Variants in SLC25A24 observed in about 807,000 individuals in gnomAD.
The protein encoded by SLC25A24 is mitochondrial adenyl nucleotide antiporter SLC25A24.
SLC25A24 carries 49 observed loss-of-function variants against 60.7 expected under a neutral mutation model. The observed-to-expected ratio is 0.81, with a 90% confidence interval of 0.64 to 1.02. SLC25A24 has a LOEUF of 1.02. Among genes scored for constraint, SLC25A24 ranks in the 50% least tolerant of loss-of-function variants. The pLI is 0.00. For missense variants in SLC25A24, 564 were observed against 586.3 expected (o/e 0.96, Z 0.39); for synonymous variants, 202 against 200.6 (o/e 1.01, Z -0.06).
chr1:108,200,141 T>G lies in SLC25A24; in HGVS notation c.-3A>C. ...AAGTCCCGCAGCCAGCGCAACATGG[T>G]CCCAGAGGCGCAGGCGGCCTGGCCG... On this transcript the variant is annotated 5_prime_UTR_variant, in exon 1 of 10. Coordinates refer to ENST00000565488, the MANE Select transcript of SLC25A24 (RefSeq NM_013386.5). 6.5e-7 allele frequency: 1 copy of G among 1,546,302 alleles called. No homozygotes were observed. The highest frequency in any genetic ancestry group is 8.7e-7 in the Non-Finnish European group (1 of 1,147,706).
chr1:108,157,386 T>A, intron 5 of SLC25A24, 76 bp downstream of exon 5: 1 of 1,465,422 alleles, frequency 6.8e-7, no homozygotes, highest in Non-Finnish European at 9.2e-7. Flanking sequence ...TTTTAAAACT[T>A]CTTTTTCAAA....
At position 108,143,710 on chromosome 1, in the gene SLC25A24, C is replaced by A; in HGVS notation, c.931G>T (p.Val311Phe). Residue 311 changes from valine (V) to phenylalanine (F), a missense_variant and splice_region_variant, in exon 8 of 10, where the codon GTT (valine) becomes TTT (phenylalanine). Transcript: ENST00000565488. ...CCTACAGCCAGCCTGGTTTTCATAA[C>A]CTGGATATAAAAAAAAACAAAATAT... Reference protein sequence around the residue: ...TAQTFIYPMEVMKTRLAVGKT... With the variant: ...TAQTFIYPMEFMKTRLAVGKT... 6.2e-7 allele frequency: 1 copy of A among 1,600,456 alleles called. No homozygotes were observed. Among genetic ancestry groups the A allele is most frequent in the Non-Finnish European group, 8.5e-7 (1 of 1,175,650 alleles).
At chr1:108,139,707 G>A (rs963234519) in intron 8 of SLC25A24, among the ~76,000 whole-genome samples, 10 of 152,154 alleles carry the variant, frequency 6.6e-5, no homozygotes, top group Admixed American at 2.6e-4. Context: ...TGCCTCCCAG[G>A]TTCAAACGAT....
rs1679221303 is a variant in SLC25A24, at chr1:108,134,310, T to C, written c.*2343A>G. ...TGATAAGTTATTTCTGAAGTCTGGA[T>C]AGTATTGGAGTTGAAATGCAGAATT... On this transcript the variant is annotated 3_prime_UTR_variant, in exon 10 of 10. Transcript: ENST00000565488. The C allele has an allele frequency of 6.6e-6, 1 of 152,234 alleles. No individual in the cohort carries two copies. The highest frequency in any genetic ancestry group is 2.1e-4 in the South Asian group (1 of 4,834). 9.4% of individuals were successfully genotyped at this position (152,234 alleles called of 1,614,324 possible).
intron 3 of SLC25A24, among the ~76,000 whole-genome samples, chr1:108,177,566 A>G (rs573221130): frequency 6.6e-6 from 1 of 152,332 alleles, no homozygotes; most frequent in African/African-American, 2.4e-5. Context: ...GAAGGAATGG[A>G]AAAAGATATT....
intron 1 of SLC25A24, among the ~76,000 whole-genome samples, chr1:108,191,138 CTTTT>C (rs368189296): frequency 7.5e-6 from 1 of 133,272 alleles, no homozygotes; most frequent in South Asian, 2.9e-4. Context: ...GAACACTTAA[CTTTT>C]TTTTTTTCTT....
intron 6 of SLC25A24, among the ~76,000 whole-genome samples, chr1:108,149,733 A>G (rs371391859): frequency 1.1e-4 from 17 of 152,246 alleles, no homozygotes; most frequent in African/African-American, 4.1e-4. Context: ...AAGTGGACTC[A>G]TGCATGGAGA....
At chr1:108,152,924 C>T (rs1411435153) in intron 6 of SLC25A24, among the ~76,000 whole-genome samples, 1 of 152,142 alleles carries the variant, frequency 6.6e-6, no homozygotes, top group Non-Finnish European at 1.5e-5. Context: ...CATTTCCCAC[C>T]ATATGACATA....
At position 108,136,775 on chromosome 1, in the gene SLC25A24, C is replaced by T; in HGVS notation, c.1312G>A (p.Glu438Lys). The T allele has an allele frequency of 6.2e-7, 1 of 1,614,132 alleles. No homozygotes were observed. Among genetic ancestry groups the T allele is most frequent in the African/African-American group, 1.3e-5 (1 of 75,048 alleles). ...VGLFRRIISK[E>K]GIPGLYRGIT... is the part of the protein sequence containing the mutation. ...CCTCTGTAAAGTCCTGGTATTCCTT[C>T]TTTGGAAATAATTCGTCGAAAGAGG... is the stretch of plus-strand genomic sequence containing the variant. The change falls in exon 10 of 10, where the codon GAA becomes AAA. Residue 438 changes from glutamate (E) to lysine (K), a missense_variant. Coordinates refer to ENST00000565488, the MANE Select transcript of SLC25A24 (RefSeq NM_013386.5).
intron 8 of SLC25A24, among the ~76,000 whole-genome samples, chr1:108,140,414 G>C (rs1459154667): frequency 6.6e-6 from 1 of 151,984 alleles, no homozygotes; most frequent in Admixed American, 6.6e-5. Context: ...GAAACAAAAG[G>C]ATGATAAATA....
chr1:108,139,535 C>G (rs375004634), intron 8 of SLC25A24, among the ~76,000 whole-genome samples: 3 of 152,150 alleles, frequency 2.0e-5, no homozygotes, highest in Non-Finnish European at 4.4e-5. Context: ...TCTCATTTTA[C>G]ACGTTACATA....
chr1:108,178,507 C>T (rs1165858018), intron 3 of SLC25A24, among the ~76,000 whole-genome samples: 1 of 152,020 alleles, frequency 6.6e-6, no homozygotes, highest in African/African-American at 2.4e-5. Context: ...TCTTTTCCGA[C>T]CACAATAATA....
intron 3 of SLC25A24, among the ~76,000 whole-genome samples, chr1:108,175,591 G>A (rs764361122): frequency 6.6e-6 from 1 of 152,096 alleles, no homozygotes; most frequent in African/African-American, 2.4e-5. Flanking sequence ...AGGTACTCAG[G>A]AGGTGAGAGG....
At chr1:108,187,458 G>T (rs1448293502) in intron 1 of SLC25A24, among the ~76,000 whole-genome samples, 2 of 152,168 alleles carry the variant, frequency 1.3e-5, no homozygotes, top group Admixed American at 6.5e-5. Context: ...AATAACCAAT[G>T]TCAGAAAGTA....
At chr1:108,142,166 T>C (rs1219018751) in intron 8 of SLC25A24, among the ~76,000 whole-genome samples, 1 of 152,174 alleles carries the variant, frequency 6.6e-6, no homozygotes, top group Non-Finnish European at 1.5e-5. Flanking sequence ...CCTTTGTATG[T>C]TGCTGGTGAG....
At chr1:108,183,904 T>C (rs769995892) in intron 2 of SLC25A24, among the ~76,000 whole-genome samples, 5 of 152,214 alleles carry the variant, frequency 3.3e-5, no homozygotes, top group Non-Finnish European at 7.4e-5. Context: ...TGTCCATGAA[T>C]GCCTGGGAAA....
rs538674988 is a variant in SLC25A24 at position 108,188,220 on chromosome 1, C to T, written c.184-2266G>A. On this transcript the variant is annotated intron_variant, in intron 1 of 9. Transcript: ENST00000565488. Reference sequence around the variant, plus strand: ...AGATGGGAAAAGCAGAAACTGGGGACTACAAGAACGGGGAGGGAATGGACA... The same window carrying T: ...AGATGGGAAAAGCAGAAACTGGGGATTACAAGAACGGGGAGGGAATGGACA... Among the ~76,000 whole-genome samples, 124 of 151,950 alleles carry T rather than the reference C, an allele frequency of 8.2e-4. 1 individual carries two copies. Among genetic ancestry groups the T allele is most frequent in the Admixed American group, 2.0e-3 (31 of 15,270 alleles).
At chr1:108,176,392 CAA>C (rs751063755) in intron 3 of SLC25A24, among the ~76,000 whole-genome samples, 2 of 151,840 alleles carry the variant, frequency 1.3e-5, no homozygotes, top group Non-Finnish European at 2.9e-5. Flanking sequence ...ATCAAAAGAG[CAA>C]AGTTTTGAGT....
rs1354980660 is a variant in SLC25A24, at chr1:108,139,191, C to T, written c.1116G>A (p.Trp372Ter). 1.3e-6 allele frequency: 2 copies of T among 1,599,718 alleles called. No homozygotes were observed. ...LAVYELLKSY[W>*]LDNFAKDSVN... ...CAGAATCTTTTGCAAAATTATCCAG[C>T]CAATAGGACTTCAAGAGCTGCCAGA... is the stretch of plus-strand genomic sequence containing the variant. Residue 372 changes from tryptophan to a stop codon, truncating the protein, a stop_gained, in exon 9 of 10, where the codon TGG (tryptophan) becomes TGA (stop). Transcript: ENST00000565488. LOFTEE classifies it high-confidence loss of function.
Sources: gnomAD v4.1 joint callset for allele counts (sites outside exome capture counted in the v4.1 genomes callset) on GRCh38, gnomAD v4.1.1 for gene constraint, MANE v1.5 for transcripts, NCBI Gene and HGNC (gene_info 2026-07-23, HGNC 2026-07-21) for gene names.